Variants in SLC9A3 observed in about 807,000 individuals in gnomAD.
SLC9A3 encodes the protein sodium/hydrogen exchanger 3.
Under a neutral mutation model 86.8 loss-of-function variants are expected in SLC9A3, and 37 were observed. The observed-to-expected ratio is 0.43, with a 90% CI of 0.33 to 0.56. The LOEUF (loss-of-function observed/expected upper bound fraction) is 0.56, where lower values mean the gene tolerates loss of function less well. Ranked by LOEUF, SLC9A3 falls within the 20% of genes least tolerant of loss-of-function variation. The pLI, the probability that SLC9A3 is intolerant of heterozygous loss-of-function variation, is 0.06. For synonymous variants in SLC9A3, 581 were observed against 528.3 expected (o/e 1.10, Z -1.37); for missense variants, 1,011 against 1,171.9 (o/e 0.86, Z 2.00).
At chr5:476,779 G>A in intron 11 of SLC9A3, 107 bp from the exon 12 acceptor site, 1 of 1,399,514 alleles carries the variant, frequency 7.1e-7, no homozygotes, top group Non-Finnish European at 9.8e-7. Flanking sequence ...CCTCCTGCGT[G>A]CCCCTCGCCT....
chr5:497,656 C>A lies in SLC9A3; in HGVS notation c.212-5585G>T, dbSNP rs1426009692. Among the ~76,000 whole-genome samples the A allele has an allele frequency of 2.6e-5, 4 of 152,322 alleles. No homozygotes were observed. In the East Asian group the frequency reaches 7.7e-4, roughly 29 times the overall value. On this transcript the variant is annotated intron_variant, in intron 1 of 16. Transcript: ENST00000264938. This position sits in a 1 kb window ranked among gnomAD's most constrained non-coding sequence, Gnocchi z 5.4. The stretch of plus-strand genomic sequence containing the variant: ...CTTCCTGAAGCTTCCAGATCCCCTG[C>A]AGCCCCCCTGAGCCGCTGACCCTGA...
chr5:503,124 C>G (rs1214714716), intron 1 of SLC9A3, among the ~76,000 whole-genome samples: 1 of 152,190 alleles, frequency 6.6e-6, no homozygotes, highest in African/African-American at 2.4e-5. Flanking sequence ...CATAAAAACT[C>G]AATGGATAGA....
intron 1 of SLC9A3, among the ~76,000 whole-genome samples, chr5:511,490 G>T (rs1200207540): frequency 1.3e-5 from 2 of 152,154 alleles, no homozygotes; most frequent in Non-Finnish European, 2.9e-5. Context: ...CAAACATCTG[G>T]GCAGACCCCA....
At chr5:504,979 G>A (rs1035584550) in intron 1 of SLC9A3, among the ~76,000 whole-genome samples, 4 of 151,920 alleles carry the variant, frequency 2.6e-5, no homozygotes, top group African/African-American at 9.7e-5. Flanking sequence ...CCAGTGCTGA[G>A]AAGCAGGGGC....
chr5:473,460 GTCCCCGAGCCCGGCGGCTCTCGCC>G, intron 16 of SLC9A3, 78 bp from the exon 17 acceptor site: 1 of 1,215,732 alleles, frequency 8.2e-7, no homozygotes, highest in South Asian at 2.9e-5. Flanking sequence ...GGCCTCAGCT[GTCCCCGAGCCCGGCGGCTCTCGCC>G]TCCCCTCCCG....
Position 473,155 on chromosome 5 carries a change from C to CCGGCGCAGGCCCCGCCCT in SLC9A3, c.*223_*224insAGGGCGGGGCCTGCGCCG. ...AGCCCTCGGCGCTCCGGCCCCGCCC[C>CCGGCGCAGGCCCCGCCCT]CGGCGCAGGCCCCGCCCCCGGCTCG... On this transcript the variant is annotated 3_prime_UTR_variant, in exon 17 of 17. Coordinates refer to ENST00000264938, the MANE Select transcript of SLC9A3 (RefSeq NM_004174.4). 2.6e-6 allele frequency: 1 copy of CCGGCGCAGGCCCCGCCCT among 385,500 alleles called. No individual in the cohort carries two copies. The highest frequency in any genetic ancestry group is 4.2e-6 in the Non-Finnish European group (1 of 239,026). The allele number at this position is 385,500 out of a possible 1,614,324, so 23.9% of individuals were successfully genotyped here.
At chr5:492,447 A>C (rs1281299579) in intron 1 of SLC9A3, among the ~76,000 whole-genome samples, 1 of 58,302 alleles carries the variant, frequency 1.7e-5, no homozygotes, top group East Asian at 4.8e-4. Flanking sequence ...GTCAGGGCAG[A>C]GCCCTCGGGG....
intron 5 of SLC9A3, among the ~76,000 whole-genome samples, chr5:484,034 C>T (rs575966317): frequency 2.6e-5 from 4 of 152,352 alleles, no homozygotes; most frequent in Admixed American, 6.5e-5. Context: ...CACACACCCC[C>T]GGTGTCCATG....
At chr5:479,048 G>A (rs1290017607) in intron 10 of SLC9A3, 1 of 153,162 alleles carries the variant, frequency 6.5e-6, no homozygotes, top group East Asian at 1.9e-4. Context: ...GGGTCTGCAG[G>A]GTTTGGCAGG....
chr5:474,990 G>A lies in SLC9A3; in HGVS notation c.2394C>T (p.Phe798=). The A allele has an allele frequency of 1.2e-6, 2 of 1,612,140 alleles. No homozygotes were observed. Among genetic ancestry groups the A allele is most frequent in the Non-Finnish European group, 1.7e-6 (2 of 1,179,694 alleles). The change falls in exon 16 of 17, where the codon TTC becomes TTT. Residue 798 remains phenylalanine, a synonymous_variant. Transcript: ENST00000264938. ...RTQIPYSPGT[F]CRLMPFRLSS... ...TGAGGCGGAAGGGCATCAGGCGGCA[G>A]AAGGTGCCGGGAGAGTAGGGAATCT...
At chr5:484,771 C>T (rs1056918932) in intron 4 of SLC9A3, 74 bp from the exon 5 acceptor site, 1 of 1,474,114 alleles carries the variant, frequency 6.8e-7, no homozygotes, top group Non-Finnish European at 9.4e-7. Flanking sequence ...CTGGTGACCC[C>T]GCGGAAGTGC....
At position 497,681 on chromosome 5, in the gene SLC9A3, A is replaced by C. The variant is rs966643030; in HGVS notation, c.212-5610T>G. On this transcript the variant is annotated intron_variant, in intron 1 of 16. Transcript: ENST00000264938. This position sits in a 1 kb window ranked among gnomAD's most constrained non-coding sequence, Gnocchi z 5.4. Reference sequence around the variant, plus strand: ...CAGCCCCCCTGAGCCGCTGACCCTGACCCCTGGGAGTGAAGCCTCATCTGC... The same window carrying C: ...CAGCCCCCCTGAGCCGCTGACCCTGCCCCCTGGGAGTGAAGCCTCATCTGC... 1.3e-5 allele frequency among the ~76,000 whole-genome samples: 2 copies of C among 151,266 alleles called. No individual in the cohort carries two copies. The highest frequency in any genetic ancestry group is 2.4e-5 in the African/African-American group (1 of 41,096).
intron 3 of SLC9A3, among the ~76,000 whole-genome samples, chr5:487,536 GCACTGACACCCACCA>G (rs1187495577): frequency 0.53 from 3,548 of 6,744 alleles, 1,445 homozygotes; most frequent in African/African-American, 0.8. Flanking sequence ...GACACCCACC[GCACTGACACCCACCA>G]CACTGACACC....
rs575896181 is a variant in SLC9A3 at position 496,838 on chromosome 5, C to T, written c.212-4767G>A. Among the ~76,000 whole-genome samples, 1 of 152,132 alleles carries T rather than the reference C, an allele frequency of 6.6e-6. No individual in the cohort carries two copies. The highest frequency in any genetic ancestry group is 2.4e-5 in the African/African-American group (1 of 41,500). On this transcript the variant is annotated intron_variant, in intron 1 of 16. Transcript: ENST00000264938. The surrounding 1 kb of genome is among the most constrained non-coding windows in gnomAD (Gnocchi z 4.7). ...GGCCAAGGCAGGTGGATCCCTTGAG[C>T]CCAGGAGTTCGAGACCAGCCTGGGC...
At chr5:507,163 C>T (rs1740623995) in intron 1 of SLC9A3, among the ~76,000 whole-genome samples, 2 of 34,754 alleles carry the variant, frequency 5.8e-5, no homozygotes, top group African/African-American at 1.3e-4. Flanking sequence ...CCGGCTGCTG[C>T]TTCTTTTTTT....
At position 488,249 on chromosome 5, in the gene SLC9A3, G is replaced by T. The variant is rs1366275335; in HGVS notation, c.675+67C>A. ...CGCCCTCCTTTGCTGACTGACCGATGGGGGGTGAGACGGGGCCCAGGCCTC... is the reference window on the plus strand; with the variant it reads ...CGCCCTCCTTTGCTGACTGACCGATTGGGGGTGAGACGGGGCCCAGGCCTC... On this transcript the variant is annotated intron_variant, in intron 3 of 16. Transcript: ENST00000264938. 1.7e-5 allele frequency: 27 copies of T among 1,549,316 alleles called. 1 individual carries two copies. The highest frequency in any genetic ancestry group is 1.7e-4 in the Middle Eastern group (1 of 5,924).
chr5:512,555 C>T (rs1465618485), intron 1 of SLC9A3, among the ~76,000 whole-genome samples: 1 of 152,118 alleles, frequency 6.6e-6, no homozygotes, highest in Non-Finnish European at 1.5e-5. Flanking sequence ...AAATGTATCA[C>T]ACCAATGCCA....
intron 1 of SLC9A3, among the ~76,000 whole-genome samples, chr5:520,825 A>C (rs1449303327): frequency 1.3e-5 from 2 of 150,274 alleles, no homozygotes; most frequent in Non-Finnish European, 1.5e-5. Flanking sequence ...GCCCCCACCC[A>C]GTGCTGCCAG....
At chr5:501,832 G>A (rs558305786) in intron 1 of SLC9A3, among the ~76,000 whole-genome samples, 201 of 152,340 alleles carry the variant, frequency 1.3e-3, no homozygotes, top group Non-Finnish European at 1.7e-3. Flanking sequence ...ACGTGCCTGC[G>A]TGACCCCACG....
Sources: gnomAD v4.1 joint callset for allele counts (sites outside exome capture counted in the v4.1 genomes callset) on GRCh38, gnomAD v4.1.1 for gene constraint, Gnocchi (gnomAD v3.1) non-coding constraint, MANE v1.5 for transcripts, NCBI Gene and HGNC (gene_info 2026-07-23, HGNC 2026-07-21) for gene names.